GOLIM4: variants seen among roughly 807,000 people sequenced by gnomAD.
The protein encoded by GOLIM4 is golgi integral membrane protein 4.
In GOLIM4, 71 loss-of-function variants were observed where a neutral mutation model predicts 107.4. The ratio of observed to expected loss-of-function variants is 0.66; its 90% confidence interval spans 0.55 to 0.81. The LOEUF is 0.81. Ranked by LOEUF, GOLIM4 falls within the 30% of genes least tolerant of loss-of-function variation. The probability of loss-of-function intolerance (pLI) is 0.00; values close to 1 mark genes in which losing one functional copy is unlikely to be tolerated. For missense variants in GOLIM4, 830 were observed against 826.1 expected, an observed-to-expected ratio of 1.00 and a Z score of -0.06; for synonymous variants, 327 against 294.8, an observed-to-expected ratio of 1.11 and a Z score of -1.12.
intron 14 of GOLIM4, among the ~76,000 whole-genome samples, chr3:168,021,707 G>A (rs908645680): frequency 6.6e-6 from 1 of 151,924 alleles, no homozygotes; most frequent in Non-Finnish European, 1.5e-5. Context: ...AAAGCTTCTT[G>A]ACACGGTGAT....
At chr3:168,093,028 T>C (rs1721988024) in intron 1 of GOLIM4, among the ~76,000 whole-genome samples, 1 of 152,056 alleles carries the variant, frequency 6.6e-6, no homozygotes, top group African/African-American at 2.4e-5. Flanking sequence ...AAAACAAAAG[T>C]TGTATATTTT....
rs766718257 is a variant in GOLIM4 at position 168,048,190 on chromosome 3, T to G, written c.262+101A>C. ...TCCACCTATCTGACTTTGGGTTGAT[T>G]TGAGAACGATCTTAGCCAAAAAAAA... On this transcript the variant is annotated intron_variant, in intron 2 of 15. Coordinates refer to ENST00000470487, the MANE Select transcript of GOLIM4 (RefSeq NM_014498.5). 2.3e-5 allele frequency: 16 copies of G among 687,246 alleles called. No homozygotes were observed. The South Asian group carries it at 2.6e-4, about 11-fold the overall frequency. The allele number at this position is 687,246 out of a possible 1,614,324, so 42.6% of individuals were successfully genotyped here.
intron 8 of GOLIM4, among the ~76,000 whole-genome samples, chr3:168,035,037 CAAAAAAA>C: frequency 1.5e-5 from 1 of 66,622 alleles, no homozygotes; most frequent in East Asian, 5.3e-4. Flanking sequence ...AACAATCATA[CAAAAAAA>C]AAAAAAAAAC....
rs1276649423 is a variant in GOLIM4, at chr3:168,095,080, C to A, written c.187+19G>T. 1 of 1,580,742 alleles carries A rather than the reference C, an allele frequency of 6.3e-7. No homozygotes were observed. Among genetic ancestry groups the A allele is most frequent in the Non-Finnish European group, 8.6e-7 (1 of 1,156,454 alleles). ...GGGGCAAAGTTGGCCACCGGCTGCG[C>A]GCGTCCCGTTAGCCGTACCTTGTAA... On this transcript the variant is annotated intron_variant, in intron 1 of 15. Coordinates refer to ENST00000470487, the MANE Select transcript of GOLIM4 (RefSeq NM_014498.5).
chr3:168,030,163 G>T, intron 9 of GOLIM4, 127 bp from the exon 10 acceptor site: 1 of 894,110 alleles, frequency 1.1e-6, no homozygotes, highest in Non-Finnish European at 1.7e-6. Context: ...CAGGTGAACT[G>T]TGATTATACA....
chr3:168,024,900 T>C (rs1481132981), intron 13 of GOLIM4, 28 bp downstream of exon 13: 1 of 1,595,974 alleles, frequency 6.3e-7, no homozygotes, highest in Non-Finnish European at 8.6e-7. Context: ...CCCAGTTAAA[T>C]CCACCCTTCC....
intron 5 of GOLIM4, among the ~76,000 whole-genome samples, chr3:168,042,706 T>C (rs977590195): frequency 6.6e-6 from 1 of 152,236 alleles, no homozygotes; most frequent in African/African-American, 2.4e-5. Context: ...TTGTTTCATA[T>C]TACTATGAAA....
chr3:168,074,750 A>G (rs1297289477), intron 1 of GOLIM4, among the ~76,000 whole-genome samples: 1 of 152,208 alleles, frequency 6.6e-6, no homozygotes, highest in Non-Finnish European at 1.5e-5. Flanking sequence ...AGTAACGCAG[A>G]CAAGGACATT....
In GOLIM4 at chr3:168,079,933, AT is replaced by A. The variant is rs1480161535; in HGVS notation, c.187+15165del. Among the ~76,000 whole-genome samples the A allele has an allele frequency of 3.9e-5, 6 of 152,286 alleles. No homozygotes were observed. The East Asian group carries it at 9.6e-4, about 24-fold the overall frequency. On this transcript the variant is annotated intron_variant, in intron 1 of 15. Transcript: ENST00000470487. ...TGTCAGTCACTTAAAGTAAAAAAAA[AT>A]CTTTGTCATGAATATTAAGTTTAAA...
intron 7 of GOLIM4, 45 bp from the exon 8 acceptor site, chr3:168,037,039 C>G: frequency 7.0e-7 from 1 of 1,437,392 alleles, no homozygotes; most frequent in South Asian, 1.2e-5. Context: ...TATGAATGCC[C>G]ATTCATAGAT....
intron 1 of GOLIM4, among the ~76,000 whole-genome samples, chr3:168,093,522 T>G (rs926641509): frequency 6.6e-6 from 1 of 152,204 alleles, no homozygotes; most frequent in Admixed American, 6.5e-5. Flanking sequence ...TCCAGCCATG[T>G]TTATGAAAAT....
At chr3:168,010,471 AAAT>A (rs1310299734) in intron 15 of GOLIM4, 53 bp from the exon 16 acceptor site, 6 of 1,198,342 alleles carry the variant, frequency 5.0e-6, no homozygotes, top group Non-Finnish European at 7.2e-6. Flanking sequence ...AGTTAGTGAT[AAAT>A]AATTCTCTCT....
intron 14 of GOLIM4, among the ~76,000 whole-genome samples, chr3:168,020,010 T>C (rs1717595472): frequency 6.6e-6 from 1 of 152,286 alleles, no homozygotes; most frequent in Middle Eastern, 3.4e-3. Context: ...CTAATTTCTA[T>C]AAAGAACTTC....
chr3:168,071,993 GA>G, intron 1 of GOLIM4, among the ~76,000 whole-genome samples: 1 of 152,140 alleles, frequency 6.6e-6, no homozygotes, highest in South Asian at 2.1e-4. Context: ...ATCTCGGAAG[GA>G]TACCTAGAGA....
chr3:168,063,553 G>A (rs1720377995), intron 1 of GOLIM4, among the ~76,000 whole-genome samples: 1 of 152,112 alleles, frequency 6.6e-6, no homozygotes, highest in Non-Finnish European at 1.5e-5. Context: ...CTTCCCCACT[G>A]AGATATTGGG....
At chr3:168,082,819 AAG>A (rs1412786416) in intron 1 of GOLIM4, among the ~76,000 whole-genome samples, 2 of 152,158 alleles carry the variant, frequency 1.3e-5, no homozygotes, top group Non-Finnish European at 2.9e-5. Context: ...ATGGGGCAGG[AAG>A]AGAAACACTG....
intron 8 of GOLIM4, among the ~76,000 whole-genome samples, chr3:168,033,089 C>A (rs1718430905): frequency 1.3e-5 from 2 of 152,002 alleles, no homozygotes; most frequent in African/African-American, 2.4e-5. Context: ...CAGTAAATAA[C>A]CTGGAAAATA....
intron 1 of GOLIM4, among the ~76,000 whole-genome samples, chr3:168,081,900 G>A (rs1181345579): frequency 6.6e-6 from 1 of 152,128 alleles, no homozygotes; most frequent in Non-Finnish European, 1.5e-5. Context: ...TTAATTTGGA[G>A]ATGGGAGGGT....
At position 168,036,821 on chromosome 3, in the gene GOLIM4, G is replaced by C; in HGVS notation, c.843+15C>G. 1.2e-6 allele frequency: 2 copies of C among 1,601,252 alleles called. No homozygotes were observed. The highest frequency in any genetic ancestry group is 1.7e-6 in the Non-Finnish European group (2 of 1,171,848). On this transcript the variant is annotated intron_variant, in intron 8 of 15. Coordinates refer to ENST00000470487, the MANE Select transcript of GOLIM4 (RefSeq NM_014498.5). ...AAAGTGACCTAACCATAGATTACCA[G>C]TTCACGCCCCTTACCTCCTGCACCT... is the stretch of plus-strand genomic sequence containing the variant.
Sources: gnomAD v4.1 joint callset for allele counts (sites outside exome capture counted in the v4.1 genomes callset) on GRCh38, gnomAD v4.1.1 for gene constraint, MANE v1.5 for transcripts, NCBI Gene and HGNC (gene_info 2026-07-23, HGNC 2026-07-21) for gene names.